TIMM21: variants seen among roughly 807,000 people sequenced by gnomAD.
TIMM21 encodes translocase of inner mitochondrial membrane 21, also known as mitochondrial import inner membrane translocase subunit Tim21.
TIMM21 carries 30 observed loss-of-function variants against 27.7 expected under a neutral mutation model. That is an observed-to-expected ratio of 1.08 (90% CI 0.81 to 1.47). The LOEUF is 1.47. Among genes scored for constraint, TIMM21 ranks in the 40% most tolerant of loss-of-function variants. The probability of loss-of-function intolerance (pLI) is 0.00; values close to 1 mark genes in which losing one functional copy is unlikely to be tolerated. For synonymous variants in TIMM21, 121 were observed against 114.4 expected, an observed-to-expected ratio of 1.06 and a Z score of -0.37; for missense variants, 292 against 302.9, an observed-to-expected ratio of 0.96 and a Z score of 0.27.
chr18:74,157,945 T>G (rs1236135249), intron 3 of TIMM21, 69 bp from the exon 4 acceptor site: 11 of 1,542,866 alleles, frequency 7.1e-6, no homozygotes, highest in Non-Finnish European at 9.8e-6. Flanking sequence ...ATCATCTGGT[T>G]TGTTAAAAAT....
At chr18:74,150,902 G>A (rs1265897638) in intron 1 of TIMM21, among the ~76,000 whole-genome samples, 1 of 152,232 alleles carries the variant, frequency 6.6e-6, no homozygotes, top group Admixed American at 6.5e-5. Context: ...CGAAAGGGCA[G>A]CTTCAGGGGC....
intron 1 of TIMM21, among the ~76,000 whole-genome samples, chr18:74,149,918 C>A (rs566874292): frequency 6.6e-6 from 1 of 152,332 alleles, no homozygotes; most frequent in East Asian, 1.9e-4. Context: ...ATCTGCACCC[C>A]ATTCAGACGT....
At chr18:74,150,418 T>A (rs922664064) in intron 1 of TIMM21, among the ~76,000 whole-genome samples, 1 of 152,208 alleles carries the variant, frequency 6.6e-6, no homozygotes, top group African/African-American at 2.4e-5. Flanking sequence ...TTAATTAATT[T>A]AAAATTGAAC....
At chr18:74,150,382 G>T (rs961348244) in intron 1 of TIMM21, among the ~76,000 whole-genome samples, 1 of 152,164 alleles carries the variant, frequency 6.6e-6, no homozygotes, top group Non-Finnish European at 1.5e-5. Flanking sequence ...TAAAACTTGT[G>T]ACTGAAGAAC....
At chr18:74,150,658 C>A (rs541785435) in intron 1 of TIMM21, among the ~76,000 whole-genome samples, 2 of 152,326 alleles carry the variant, frequency 1.3e-5, no homozygotes, top group Non-Finnish European at 2.9e-5. Context: ...TGTGTTAATG[C>A]ATTCCCCTGT....
intron 1 of TIMM21, among the ~76,000 whole-genome samples, chr18:74,151,763 A>AACT (rs1341291785): frequency 6.6e-6 from 1 of 152,138 alleles, no homozygotes; most frequent in Non-Finnish European, 1.5e-5. Flanking sequence ...AATGTGGACC[A>AACT]TCACTGTCTC....
At chr18:74,150,501 CTG>C (rs1194146500) in intron 1 of TIMM21, among the ~76,000 whole-genome samples, 2 of 152,198 alleles carry the variant, frequency 1.3e-5, no homozygotes, top group Non-Finnish European at 2.9e-5. Flanking sequence ...TCCCTTAAGA[CTG>C]TTATGATAGA....
intron 3 of TIMM21, chr18:74,156,108 G>A: frequency 2.5e-6 from 1 of 395,590 alleles, no homozygotes; most frequent in Middle Eastern, 6.4e-4. Context: ...TGTGGCCTGG[G>A]AAGTGTCAGA....
At chr18:74,154,022 T>C (rs886710773) in intron 1 of TIMM21, among the ~76,000 whole-genome samples, 1 of 152,222 alleles carries the variant, frequency 6.6e-6, no homozygotes, top group Non-Finnish European at 1.5e-5. Flanking sequence ...TGTAATGTTA[T>C]AGCTCTTTGC....
In TIMM21 at chr18:74,148,909, G is replaced by C; in HGVS notation, c.101G>C (p.Cys34Ser). The C allele has an allele frequency of 6.2e-7, 1 of 1,614,208 alleles. No individual in the cohort carries two copies. Among genetic ancestry groups the C allele is most frequent in the Non-Finnish European group, 8.5e-7 (1 of 1,180,046 alleles). Residue 34 changes from cysteine to serine, a missense_variant, in exon 1 of 6, where the codon TGC becomes TCC. Physicochemically the swap from Cys to Ser is moderately radical, Grantham distance 112. Transcript: ENST00000169551. Reference protein sequence around the residue: ...LLPYIVLNKACLKTEPSLRCG... With the variant: ...LLPYIVLNKASLKTEPSLRCG... ...CCATACATCGTGCTTAACAAAGCGT[G>C]CTTGAAGACTGAGCCCAGTTTGAGA...
rs1322244000 is a variant in TIMM21 at position 74,159,502 on chromosome 18, T to G, written c.*1022T>G. The G allele has an allele frequency of 6.6e-6, 1 of 152,088 alleles. No individual in the cohort carries two copies. Among genetic ancestry groups the G allele is most frequent in the Non-Finnish European group, 1.5e-5 (1 of 68,020 alleles). 9.4% of individuals were successfully genotyped at this position (152,088 alleles called of 1,614,324 possible). A position where few individuals can be genotyped will look rare whatever the true frequency, so the allele number is the denominator to read the frequency against. ...CGAGAACTGTCTGTAGAGGAATTTC[T>G]GATGTGTTCTTGAAATTTTGGGATA... On this transcript the variant is annotated 3_prime_UTR_variant, in exon 6 of 6. Transcript: ENST00000169551.
At chr18:74,150,103 C>T (rs951360106) in intron 1 of TIMM21, among the ~76,000 whole-genome samples, 1 of 152,206 alleles carries the variant, frequency 6.6e-6, no homozygotes, top group African/African-American at 2.4e-5. Context: ...ACGAGGTCGG[C>T]TCATGTGTTG....
At position 74,149,109 on chromosome 18, in the gene TIMM21, G is replaced by A; in HGVS notation, c.301G>A (p.Val101Met). ...GGTAVPTSQK[V>M]KEAGRDFTYL... The stretch of plus-strand genomic sequence containing the variant: ...AACCGCCGTCCCAACATCACAAAAA[G>A]GTAAAAAGGAGTACTTTAATGATTG... The change falls in exon 1 of 6, where the codon GTG (valine) becomes ATG (methionine). Residue 101 changes from valine (V) to methionine (M), a missense_variant and splice_region_variant. Transcript: ENST00000169551. The A allele has an allele frequency of 1.2e-6, 2 of 1,606,032 alleles. No individual in the cohort carries two copies. Among genetic ancestry groups the A allele is most frequent in the Non-Finnish European group, 1.7e-6 (2 of 1,174,866 alleles).
intron 3 of TIMM21, chr18:74,157,698 C>T (rs977976702): frequency 1.4e-4 from 35 of 252,554 alleles, no homozygotes; most frequent in Admixed American, 4.0e-4. Context: ...TGGGTTCAAG[C>T]GATTCTCCTG....
Position 74,159,476 on chromosome 18 carries a change from C to T in TIMM21, c.*996C>T, listed in dbSNP as rs944678611. On this transcript the variant is annotated 3_prime_UTR_variant, in exon 6 of 6. Coordinates refer to ENST00000169551, the MANE Select transcript of TIMM21 (RefSeq NM_014177.3). The stretch of plus-strand genomic sequence containing the variant: ...CCTCTGATGTGTTTGTTCCTTCTCC[C>T]CGAGAACTGTCTGTAGAGGAATTTC... The T allele has an allele frequency of 6.6e-6, 1 of 151,688 alleles. No homozygotes were observed. The highest frequency in any genetic ancestry group is 1.5e-5 in the Non-Finnish European group (1 of 67,950). The allele number at this position is 151,688 out of a possible 1,614,324, so 9.4% of individuals were successfully genotyped here. A position where few individuals can be genotyped will look rare whatever the true frequency, so the allele number is the denominator to read the frequency against.
intron 1 of TIMM21, 170 bp from the exon 2 acceptor site, chr18:74,154,975 G>A: frequency 1.6e-6 from 1 of 629,242 alleles, no homozygotes; most frequent in Admixed American, 2.9e-5. Flanking sequence ...TGAGAATTCT[G>A]CTGAGGCGCT....
intron 3 of TIMM21, among the ~76,000 whole-genome samples, chr18:74,155,684 A>C (rs900822651): frequency 1.1e-4 from 17 of 152,246 alleles, no homozygotes; most frequent in African/African-American, 3.9e-4. Context: ...ACTCATGGTA[A>C]GTTTCTAGTC....
intron 3 of TIMM21, chr18:74,156,451 T>A (rs1206599012): frequency 5.1e-6 from 2 of 395,164 alleles, no homozygotes; most frequent in Non-Finnish European, 8.9e-6. Context: ...TTAAATCCAC[T>A]GATTTCTCTT....
intron 2 of TIMM21, 34 bp from the exon 3 acceptor site, chr18:74,155,272 T>TG (rs1337860532): frequency 6.2e-7 from 1 of 1,612,332 alleles, no homozygotes; most frequent in Non-Finnish European, 8.5e-7. Flanking sequence ...ATGTTGCCCT[T>TG]GCTTCGCTTC....
Sources: gnomAD v4.1 joint callset for allele counts (sites outside exome capture counted in the v4.1 genomes callset) on GRCh38, gnomAD v4.1.1 for gene constraint, MANE v1.5 for transcripts, NCBI Gene and HGNC (gene_info 2026-07-23, HGNC 2026-07-21) for gene names.